The following VPS29 variants were observed in gnomAD, a reference collection of about 807,000 sequenced individuals.
The protein encoded by VPS29 is vacuolar protein sorting-associated protein 29.
In VPS29, 2 loss-of-function variants were observed where a neutral mutation model predicts 20.0. The observed-to-expected ratio is 0.10, with a 90% CI of 0.04 to 0.31. The LOEUF (loss-of-function observed/expected upper bound fraction) is 0.31, where lower values mean the gene tolerates loss of function less well. Ranked by LOEUF, VPS29 falls within the 10% of genes least tolerant of loss-of-function variation. The pLI, the probability that VPS29 is intolerant of heterozygous loss-of-function variation, is 1.00. For missense variants in VPS29, 120 were observed against 215.3 expected (o/e 0.56, Z 2.77); for synonymous variants, 81 against 79.3 (o/e 1.02, Z -0.12).
intron 1 of VPS29, chr12:110,499,375 T>G (rs1195457409): frequency 9.8e-7 from 1 of 1,019,986 alleles, no homozygotes; most frequent in Non-Finnish European, 1.4e-6. Flanking sequence ...CAAAAGATCC[T>G]GGAAATGGCA....
At chr12:110,495,952 C>T in intron 2 of VPS29, 60 bp downstream of exon 2, 1 of 1,410,304 alleles carries the variant, frequency 7.1e-7, no homozygotes. Context: ...AAAGATAAAG[C>T]TTATGTAAGT....
intron 2 of VPS29, 149 bp downstream of exon 2, chr12:110,495,863 C>T: frequency 3.4e-6 from 2 of 581,176 alleles, no homozygotes; most frequent in East Asian, 5.8e-5. Context: ...AAGGGAGGGG[C>T]ATGATGTATA....
intron 1 of VPS29, 189 bp downstream of exon 1, chr12:110,501,860 C>A: frequency 7.1e-7 from 1 of 1,407,720 alleles, no homozygotes; most frequent in Non-Finnish European, 9.7e-7. Flanking sequence ...CTAGGCCAGC[C>A]GCACCCAGAG....
chr12:110,501,135 G>A (rs968391666), intron 1 of VPS29, among the ~76,000 whole-genome samples: 1 of 152,062 alleles, frequency 6.6e-6, no homozygotes, highest in Non-Finnish European at 1.5e-5. Flanking sequence ...CCGAGATCGC[G>A]GCATTGCACT....
At chr12:110,492,178 A>G in intron 3 of VPS29, 56 bp from the exon 4 acceptor site, 1 of 1,334,700 alleles carries the variant, frequency 7.5e-7, no homozygotes, top group Non-Finnish European at 1.1e-6. Context: ...GCAGCACTAT[A>G]AATTTCAATT....
At chr12:110,501,312 G>A (rs2063033769) in intron 1 of VPS29, 2 of 1,435,724 alleles carry the variant, frequency 1.4e-6, no homozygotes, top group Non-Finnish European at 1.9e-6. Flanking sequence ...GGCTGGGGGA[G>A]ACTAGGTAAG....
At chr12:110,501,748 T>A (rs1239445647) in intron 1 of VPS29, 2 of 1,122,468 alleles carry the variant, frequency 1.8e-6, no homozygotes, top group Non-Finnish European at 1.3e-6. Context: ...ACCAAAGGCC[T>A]TCCCTGGCTC....
At position 110,496,083 on chromosome 12, in the gene VPS29, T is replaced by C; in HGVS notation, c.124A>G (p.Thr42Ala). 6.2e-7 allele frequency: 1 copy of C among 1,613,886 alleles called. No homozygotes were observed. The highest frequency in any genetic ancestry group is 8.5e-7 in the Non-Finnish European group (1 of 1,179,808). Residue 42 changes from threonine to alanine, a missense_variant, in exon 2 of 4, where the codon ACC (threonine) becomes GCC (alanine). Physicochemically the swap from Thr to Ala is moderately conservative, Grantham distance 58. Coordinates refer to ENST00000549578, the MANE Select transcript of VPS29 (RefSeq NM_016226.5). ...QHILCTGNLC[T>A]KESYDYLKTL... Reference sequence around the variant, plus strand: ...TTGAGATAGTCATAACTCTCTTTGGTGCAAAGGTTTCCTGTGCAGAGAATG... The same window carrying C: ...TTGAGATAGTCATAACTCTCTTTGGCGCAAAGGTTTCCTGTGCAGAGAATG...
At chr12:110,499,278 C>T (rs2062956026) in intron 1 of VPS29, 2 of 408,940 alleles carry the variant, frequency 4.9e-6, no homozygotes, top group Middle Eastern at 6.7e-4. Flanking sequence ...TTACATAACA[C>T]GTGTCATACT....
intron 1 of VPS29, chr12:110,497,047 A>G (rs1399497462): frequency 6.6e-6 from 1 of 152,104 alleles, no homozygotes; most frequent in African/African-American, 2.4e-5. Context: ...TGTATATTAG[A>G]GCATTAAAAC....
chr12:110,492,969 C>A, intron 3 of VPS29, 27 bp downstream of exon 3: 1 of 1,567,224 alleles, frequency 6.4e-7, no homozygotes, highest in Non-Finnish European at 8.7e-7. Context: ...CTAAAGCCCC[C>A]AAATTCCCAA....
At chr12:110,494,025 A>C (rs1472544806) in intron 2 of VPS29, among the ~76,000 whole-genome samples, 3 of 152,134 alleles carry the variant, frequency 2.0e-5, no homozygotes, top group Non-Finnish European at 2.9e-5. Context: ...AGAAGGTTCT[A>C]TTATGATCCC....
intron 1 of VPS29, among the ~76,000 whole-genome samples, chr12:110,498,403 A>G (rs886792152): frequency 6.6e-6 from 1 of 152,236 alleles, no homozygotes; most frequent in Non-Finnish European, 1.5e-5. Flanking sequence ...CTATTCTTTA[A>G]TATTATCAAA....
chr12:110,501,799 C>A (rs767852434), intron 1 of VPS29: 1 of 1,096,838 alleles, frequency 9.1e-7, no homozygotes, highest in Non-Finnish European at 1.3e-6. Flanking sequence ...GCTAGAGGGG[C>A]CTTTTTACCC....
Position 110,491,939 on chromosome 12 carries a change from T to C in VPS29, c.*66A>G. The C allele has an allele frequency of 8.6e-7, 1 of 1,163,300 alleles. No homozygotes were observed. Among genetic ancestry groups the C allele is most frequent in the Non-Finnish European group, 1.3e-6 (1 of 785,622 alleles). 72.1% of individuals were successfully genotyped at this position (1,163,300 alleles called of 1,614,324 possible). A position where few individuals can be genotyped will look rare whatever the true frequency, so the allele number is the denominator to read the frequency against. On this transcript the variant is annotated 3_prime_UTR_variant, in exon 4 of 4. Transcript: ENST00000549578. ...GTGATACAATTTTGTGGCTCTTAAA[T>C]GTTTAATTACTTGATTTCAACAGGA...
At chr12:110,492,950 A>G (rs749016282) in intron 3 of VPS29, 46 bp downstream of exon 3, 8 of 1,520,060 alleles carry the variant, frequency 5.3e-6, no homozygotes, top group African/African-American at 2.8e-5. Flanking sequence ...CACACATGCA[A>G]TTATTTTACT....
intron 1 of VPS29, chr12:110,499,616 TAAAAG>T: frequency 8.6e-7 from 1 of 1,163,270 alleles, no homozygotes; most frequent in African/African-American, 1.7e-5. Flanking sequence ...TGACCAATGT[TAAAAG>T]AAAGCAACAA....
chr12:110,499,486 A>G, intron 1 of VPS29: 1 of 1,611,502 alleles, frequency 6.2e-7, no homozygotes, highest in Non-Finnish European at 8.5e-7. Context: ...CAGTCAGTAA[A>G]CAGCCACCCA....
At position 110,491,808 on chromosome 12, in the gene VPS29, C is replaced by T; in HGVS notation, c.*197G>A. ...TGTTGTGGACATTTTTTCATAGAAT[C>T]CATATACTGTAAACTAAATATATTC... On this transcript the variant is annotated 3_prime_UTR_variant, in exon 4 of 4. Transcript: ENST00000549578. 1 of 535,440 alleles carries T rather than the reference C, an allele frequency of 1.9e-6. No individual in the cohort carries two copies. The highest frequency in any genetic ancestry group is 3.3e-6 in the Non-Finnish European group (1 of 305,006). 33.2% of individuals were successfully genotyped at this position (535,440 alleles called of 1,614,324 possible).
Sources: gnomAD v4.1 joint callset for allele counts (sites outside exome capture counted in the v4.1 genomes callset) on GRCh38, gnomAD v4.1.1 for gene constraint, MANE v1.5 for transcripts, NCBI Gene and HGNC (gene_info 2026-07-23, HGNC 2026-07-21) for gene names.